RGS7: variants seen among roughly 807,000 people sequenced by gnomAD.
RGS7 encodes the protein regulator of G protein signaling 7.
In RGS7, 27 loss-of-function variants were observed where a neutral mutation model predicts 81.1. The observed-to-expected ratio is 0.33, with a 90% CI of 0.25 to 0.46. The LOEUF is 0.46. Among genes scored for constraint, RGS7 ranks in the 20% least tolerant of loss-of-function variants. The pLI, the probability that RGS7 is intolerant of heterozygous loss-of-function variation, is 1.00. For missense variants in RGS7, 396 were observed against 607.4 expected, an observed-to-expected ratio of 0.65 and a Z score of 3.66; for synonymous variants, 208 against 207.7, an observed-to-expected ratio of 1.00 and a Z score of -0.01.
At chr1:241,265,786 CTTTTTTT>C (rs577669455) in intron 2 of RGS7, among the ~76,000 whole-genome samples, 5 of 90,232 alleles carry the variant, frequency 5.5e-5, no homozygotes, top group Admixed American at 2.8e-4. Context: ...TTTCCTCGTC[CTTTTTTT>C]TTTTTTTTTT....
intron 4 of RGS7, among the ~76,000 whole-genome samples, chr1:240,963,655 G>C (rs1262013080): frequency 6.6e-6 from 1 of 152,194 alleles, no homozygotes; most frequent in African/African-American, 2.4e-5. Context: ...ATACACACCA[G>C]ATTCCAGTGA....
intron 9 of RGS7, among the ~76,000 whole-genome samples, chr1:240,840,666 T>G (rs1194395751): frequency 1.3e-5 from 2 of 152,218 alleles, no homozygotes; most frequent in African/African-American, 4.8e-5. Flanking sequence ...TCACATCACC[T>G]TGCTTTTATT....
At chr1:240,799,477 C>CCTAA (rs1025370440) in intron 18 of RGS7, among the ~76,000 whole-genome samples, 7 of 151,928 alleles carry the variant, frequency 4.6e-5, no homozygotes, top group Admixed American at 3.9e-4. Flanking sequence ...CCCTCCTCAC[C>CCTAA]CTAACACCCA....
intron 18 of RGS7, among the ~76,000 whole-genome samples, chr1:240,787,739 A>C (rs1013569602): frequency 9.2e-5 from 14 of 152,362 alleles, no homozygotes; most frequent in African/African-American, 3.4e-4. Flanking sequence ...AGTGGAAAGA[A>C]GGGTAAAGAG....
chr1:241,222,997 T>C (rs953139975), intron 2 of RGS7, among the ~76,000 whole-genome samples: 1 of 152,196 alleles, frequency 6.6e-6, no homozygotes, highest in African/African-American at 2.4e-5. Context: ...CATGAACTCA[T>C]CCTTTTTGAT....
intron 6 of RGS7, among the ~76,000 whole-genome samples, chr1:240,870,683 C>T (rs1241812367): frequency 1.1e-4 from 17 of 152,078 alleles, no homozygotes; most frequent in Admixed American, 1.1e-3. Context: ...TTTTTAGCAT[C>T]TTCAACAAAT....
intron 6 of RGS7, among the ~76,000 whole-genome samples, chr1:240,874,628 A>G (rs261822): frequency 0.23 from 34,225 of 152,108 alleles, 3,977 homozygotes; most frequent in Middle Eastern, 0.28. Context: ...AATTGCATAT[A>G]TTTATATTGT....
chr1:241,221,188 G>A (rs1190644339), intron 2 of RGS7, among the ~76,000 whole-genome samples: 1 of 151,240 alleles, frequency 6.6e-6, no homozygotes, highest in Admixed American at 6.6e-5. Context: ...AAGAAAGAGA[G>A]AAAGAAAGAG....
At chr1:241,102,159 C>T (rs1363863004) in intron 2 of RGS7, among the ~76,000 whole-genome samples, 3 of 151,996 alleles carry the variant, frequency 2.0e-5, no homozygotes, top group Non-Finnish European at 4.4e-5. Flanking sequence ...ATAATTTATC[C>T]GTGAACCTTC....
At chr1:240,837,139 G>C (rs1322740838) in intron 9 of RGS7, among the ~76,000 whole-genome samples, 1 of 152,180 alleles carries the variant, frequency 6.6e-6, no homozygotes, top group Non-Finnish European at 1.5e-5. Flanking sequence ...TTCCCAGTTA[G>C]AACTGCTTTG....
chr1:240,893,604 TA>T (rs150441274), intron 6 of RGS7, among the ~76,000 whole-genome samples: 3 of 150,392 alleles, frequency 2.0e-5, no homozygotes, highest in East Asian at 3.9e-4. Context: ...AAGACTGCAT[TA>T]AAAAAAAACA....
intron 2 of RGS7, among the ~76,000 whole-genome samples, chr1:241,265,786 CTTTTTT>C (rs577669455): frequency 1.2e-4 from 11 of 90,232 alleles, no homozygotes; most frequent in East Asian, 6.4e-4. Flanking sequence ...TTTCCTCGTC[CTTTTTT>C]TTTTTTTTTT....
chr1:241,054,061 G>C (rs945844420), intron 3 of RGS7, among the ~76,000 whole-genome samples: 8 of 151,958 alleles, frequency 5.3e-5, no homozygotes, highest in Admixed American at 3.9e-4. Context: ...ATGACCTATG[G>C]GTGTCACACC....
At chr1:240,952,613 G>C (rs1572933097) in intron 4 of RGS7, among the ~76,000 whole-genome samples, 2 of 151,950 alleles carry the variant, frequency 1.3e-5, no homozygotes, top group African/African-American at 4.8e-5. Flanking sequence ...AAATGCAATG[G>C]AGAAAATGCA....
chr1:241,344,490 T>C (rs2082765628), intron 2 of RGS7, among the ~76,000 whole-genome samples: 1 of 152,192 alleles, frequency 6.6e-6, no homozygotes, highest in Admixed American at 6.5e-5. Flanking sequence ...CACATAATAC[T>C]AACAATATAC....
intron 2 of RGS7, among the ~76,000 whole-genome samples, chr1:241,315,107 CTTTTTTTT>C (rs5782184): frequency 1.9e-4 from 11 of 57,434 alleles, no homozygotes; most frequent in East Asian, 1.1e-3. Context: ...TCTTCTTCTT[CTTTTTTTT>C]TTTTTTTTTT....
chr1:241,128,558 C>T (rs2066854272), intron 2 of RGS7, among the ~76,000 whole-genome samples: 1 of 151,854 alleles, frequency 6.6e-6, no homozygotes, highest in South Asian at 2.1e-4. Context: ...GCACTCCAGC[C>T]TGGGTAAAAG....
At chr1:241,004,334 C>T (rs531564874) in intron 3 of RGS7, among the ~76,000 whole-genome samples, 1 of 152,080 alleles carries the variant, frequency 6.6e-6, no homozygotes, top group Non-Finnish European at 1.5e-5. Context: ...AATGAGTATA[C>T]ATCGTGTAAT....
chr1:240,882,519 C>T (rs1321274154), intron 6 of RGS7, among the ~76,000 whole-genome samples: 2 of 152,124 alleles, frequency 1.3e-5, no homozygotes, highest in African/African-American at 4.8e-5. Context: ...GAGCTCAAGT[C>T]CTCTCTCGGG....
Sources: gnomAD v4.1 joint callset for allele counts (sites outside exome capture counted in the v4.1 genomes callset) on GRCh38, gnomAD v4.1.1 for gene constraint, MANE v1.5 for transcripts, NCBI Gene and HGNC (gene_info 2026-07-23, HGNC 2026-07-21) for gene names.